TFCP2L1: variants seen among roughly 807,000 people sequenced by gnomAD.
The protein encoded by TFCP2L1 is transcription factor CP2-like protein 1.
A neutral mutation model predicts 72.2 loss-of-function variants in TFCP2L1; 12 were observed. The ratio of observed to expected loss-of-function variants is 0.17; its 90% CI spans 0.11 to 0.27. The LOEUF (loss-of-function observed/expected upper bound fraction) is 0.27. Among genes scored for constraint, TFCP2L1 ranks in the 10% least tolerant of loss-of-function variants. The probability of loss-of-function intolerance (pLI) is 1.00; values close to 1 mark genes in which losing one functional copy is unlikely to be tolerated. For synonymous variants in TFCP2L1, 260 were observed against 251.0 expected (o/e 1.04, Z -0.34); for missense variants, 488 against 624.6 (o/e 0.78, Z 2.33).
intron 1 of TFCP2L1, 51 bp from the exon 2 acceptor site, chr2:121,281,322 GCA>G (rs1433162316): frequency 6.5e-7 from 1 of 1,531,996 alleles, no homozygotes; most frequent in African/African-American, 1.4e-5. Context: ...GGGGGCTCCT[GCA>G]CAGAGCCAGG....
At chr2:121,239,528 G>A (rs1054734252) in intron 8 of TFCP2L1, 30 bp downstream of exon 8, 2 of 1,611,420 alleles carry the variant, frequency 1.2e-6, no homozygotes, top group African/African-American at 2.7e-5. Flanking sequence ...TTCATTTCAG[G>A]GAACCCGAAG....
At chr2:121,225,901 C>T (rs968793827) in intron 13 of TFCP2L1, among the ~76,000 whole-genome samples, 10 of 133,018 alleles carry the variant, frequency 7.5e-5, no homozygotes, top group African/African-American at 1.6e-4. Flanking sequence ...CCACGGTGTC[C>T]ACACACACGG....
chr2:121,257,204 C>G (rs899200484), intron 2 of TFCP2L1, among the ~76,000 whole-genome samples: 1 of 152,136 alleles, frequency 6.6e-6, no homozygotes, highest in Admixed American at 6.5e-5. Context: ...GTGGCAGGGG[C>G]TGGGGAGGCA....
intron 2 of TFCP2L1, among the ~76,000 whole-genome samples, chr2:121,269,907 T>TCAAAAAAAAAAAAAAAAAAAAAAA (rs750107740): frequency 3.9e-5 from 3 of 77,586 alleles, no homozygotes; most frequent in African/African-American, 1.3e-4. Flanking sequence ...AGACTCCATC[T>TCAAAAAAAAAAAAAAAAAAAAAAA]AAAAAAAAAA....
At chr2:121,282,319 T>TAAAAAAA (rs539101704) in intron 1 of TFCP2L1, among the ~76,000 whole-genome samples, 1 of 86,256 alleles carries the variant, frequency 1.2e-5, no homozygotes, top group Non-Finnish European at 2.2e-5. Context: ...CTCTCCACAT[T>TAAAAAAA]AAAAAAAAAA....
chr2:121,237,559 G>C, intron 10 of TFCP2L1, 64 bp downstream of exon 10: 1 of 1,563,190 alleles, frequency 6.4e-7, no homozygotes, highest in Non-Finnish European at 8.8e-7. Context: ...GGCCTGGAAG[G>C]TGGCCAGCCT....
intron 6 of TFCP2L1, among the ~76,000 whole-genome samples, chr2:121,243,960 GC>G (rs1553432726): frequency 6.6e-6 from 1 of 152,128 alleles, no homozygotes; most frequent in Non-Finnish European, 1.5e-5. Flanking sequence ...AAAGGTTGGG[GC>G]CCCGCTGCCT....
chr2:121,259,160 G>A (rs1686784821), intron 2 of TFCP2L1, among the ~76,000 whole-genome samples: 1 of 152,096 alleles, frequency 6.6e-6, no homozygotes, highest in Non-Finnish European at 1.5e-5. Flanking sequence ...GAGTAGGTGG[G>A]TAATCCCAGC....
At chr2:121,271,067 GTAAT>G (rs1404233943) in intron 2 of TFCP2L1, among the ~76,000 whole-genome samples, 1 of 151,656 alleles carries the variant, frequency 6.6e-6, no homozygotes, top group African/African-American at 2.4e-5. Flanking sequence ...GCAGGTGCCT[GTAAT>G]CCCAGCTACT....
At position 121,232,848 on chromosome 2, in the gene TFCP2L1, C is replaced by A. The variant is rs532706798; in HGVS notation, c.1199-880G>T. 3.4e-4 allele frequency among the ~76,000 whole-genome samples: 51 copies of A among 152,174 alleles called. No homozygotes were observed. The South Asian group carries it at 5.8e-3, about 17-fold the overall frequency. On this transcript the variant is annotated intron_variant, in intron 12 of 14. Coordinates refer to ENST00000263707, the MANE Select transcript of TFCP2L1 (RefSeq NM_014553.3). ...ACAGTGACACTGACACAGAGACGGCCTGCACCAGCCAGGCAGGAGCAAATG... is the reference window on the plus strand; with the variant it reads ...ACAGTGACACTGACACAGAGACGGCATGCACCAGCCAGGCAGGAGCAAATG...
Position 121,236,237 on chromosome 2 carries a change from A to T in TFCP2L1, c.1004-926T>A, listed in dbSNP as rs562012110. Reference sequence around the variant, plus strand: ...TCTCATACATGTCTTTGTTCATTACACAAGGTGCGTGTCTGCCGGGTCTAG... The same window carrying T: ...TCTCATACATGTCTTTGTTCATTACTCAAGGTGCGTGTCTGCCGGGTCTAG... On this transcript the variant is annotated intron_variant, in intron 10 of 14. Coordinates refer to ENST00000263707, the MANE Select transcript of TFCP2L1 (RefSeq NM_014553.3). Among the ~76,000 whole-genome samples the T allele has an allele frequency of 2.0e-5, 3 of 152,280 alleles. No homozygotes were observed. The East Asian group carries it at 5.8e-4, about 29-fold the overall frequency.
chr2:121,239,806 A>G (rs997592790), intron 7 of TFCP2L1, among the ~76,000 whole-genome samples, 157 bp from the exon 8 acceptor site: 2 of 152,226 alleles, frequency 1.3e-5, no homozygotes, highest in Non-Finnish European at 2.9e-5. Flanking sequence ...AGCCACGGCA[A>G]GGCAGGTTAC....
chr2:121,230,742 G>C (rs1292748820), intron 13 of TFCP2L1, among the ~76,000 whole-genome samples: 1 of 151,960 alleles, frequency 6.6e-6, no homozygotes, highest in East Asian at 2.0e-4. Flanking sequence ...CAGCCTGAGT[G>C]ATAGAGCAAG....
Position 121,239,636 on chromosome 2 carries a change from G to A in TFCP2L1, c.782C>T (p.Pro261Leu), listed in dbSNP as rs1331274780. 2.5e-6 allele frequency: 4 copies of A among 1,614,136 alleles called. No homozygotes were observed. The highest frequency in any genetic ancestry group is 3.4e-6 in the Non-Finnish European group (4 of 1,179,998). The stretch of plus-strand genomic sequence containing the variant: ...GCTGTTCACCTGGTAGGCCACGTCG[G>A]GCCATGGAGAGCACTGCAGGAGAGA... ...TTILTECSPW[P>L]DVAYQVNSAP... The change falls in exon 8 of 15, where the codon CCC (proline) becomes CTC (leucine). Residue 261 changes from proline (P) to leucine (L), a missense_variant. Around this residue, in one of 3 missense-constraint regions of TFCP2L1, gnomAD observed 286 missense variants for 329.0 expected, o/e 0.87. Coordinates refer to ENST00000263707, the MANE Select transcript of TFCP2L1 (RefSeq NM_014553.3).
At chr2:121,250,872 T>G (rs990701395) in intron 2 of TFCP2L1, among the ~76,000 whole-genome samples, 22 of 151,932 alleles carry the variant, frequency 1.4e-4, no homozygotes, top group African/African-American at 5.3e-4. Flanking sequence ...CCCAAAGTGC[T>G]GGGATTACAG....
intron 2 of TFCP2L1, among the ~76,000 whole-genome samples, chr2:121,271,422 A>G (rs1573393988): frequency 6.6e-6 from 1 of 152,216 alleles, no homozygotes; most frequent in African/African-American, 2.4e-5. Flanking sequence ...GTTCTATTTT[A>G]TAAAAGAATG....
At position 121,222,667 on chromosome 2, in the gene TFCP2L1, G is replaced by C. The variant is rs1286473955; in HGVS notation, c.*1674C>G. ...GGAAAGCAGGAGTGACAGACCAAGG[G>C]TACGGGGTTTTACTGGGGGTGATGA... On this transcript the variant is annotated 3_prime_UTR_variant, in exon 15 of 15. Transcript: ENST00000263707. 1 of 152,212 alleles carries C rather than the reference G, an allele frequency of 6.6e-6. No individual in the cohort carries two copies. Among genetic ancestry groups the C allele is most frequent in the Non-Finnish European group, 1.5e-5 (1 of 68,050 alleles). The allele number at this position is 152,212 out of a possible 1,614,324, so 9.4% of individuals were successfully genotyped here. A position where few individuals can be genotyped will look rare whatever the true frequency, so the allele number is the denominator to read the frequency against.
intron 2 of TFCP2L1, among the ~76,000 whole-genome samples, chr2:121,255,372 G>C (rs1162587895): frequency 2.0e-5 from 3 of 152,168 alleles, no homozygotes; most frequent in African/African-American, 7.2e-5. Context: ...AAATGTGGGG[G>C]GGAGGGGGTG....
At chr2:121,248,352 C>T (rs1530124) in intron 4 of TFCP2L1, 82 bp from the exon 5 acceptor site, 209,717 of 1,135,940 alleles carry the variant, frequency 0.18, 21,484 homozygotes, top group South Asian at 0.34. Flanking sequence ...TTACAGGTCC[C>T]AATTCCTTCG....
Sources: gnomAD v4.1 joint callset for allele counts (sites outside exome capture counted in the v4.1 genomes callset) on GRCh38, gnomAD v4.1.1 for gene constraint, gnomAD v4.1.1 regional missense constraint, MANE v1.5 for transcripts, NCBI Gene and HGNC (gene_info 2026-07-23, HGNC 2026-07-21) for gene names.